TPRG1: variants seen among roughly 807,000 people sequenced by gnomAD.
TPRG1 encodes the protein tumor protein p63 regulated 1.
A neutral mutation model predicts 29.3 loss-of-function variants in TPRG1; 29 were observed. The ratio of observed to expected loss-of-function variants is 0.99; its 90% CI spans 0.74 to 1.35. The LOEUF (loss-of-function observed/expected upper bound fraction) is 1.35. TPRG1 is among the 40% of genes most tolerant of loss of function. The pLI, the probability that TPRG1 is intolerant of heterozygous loss-of-function variation, is 0.00. For synonymous variants in TPRG1, 130 were observed against 116.8 expected (o/e 1.11, Z -0.73); for missense variants, 327 against 335.0 (o/e 0.98, Z 0.19).
intron 1 of TPRG1, among the ~76,000 whole-genome samples, chr3:189,197,115 C>A (rs572212416): frequency 6.6e-6 from 1 of 152,294 alleles, no homozygotes; most frequent in South Asian, 2.1e-4. Context: ...ATAACTGGGA[C>A]AGAGGCTTGC....
chr3:189,253,038 A>C (rs1742532033), intron 4 of TPRG1, among the ~76,000 whole-genome samples: 1 of 151,722 alleles, frequency 6.6e-6, no homozygotes, highest in African/African-American at 2.4e-5. Context: ...CTCAACCTAT[A>C]TTTTCTTTTC....
chr3:189,141,262 G>T (rs1319735244), intron 3 of TPRG1, among the ~76,000 whole-genome samples: 2 of 152,120 alleles, frequency 1.3e-5, no homozygotes, highest in African/African-American at 4.8e-5. Flanking sequence ...ACACACAGAC[G>T]GTGCACTGTA....
At chr3:189,072,996 AGAT>A (rs1425820767) in intron 4 of TPRG1, among the ~76,000 whole-genome samples, 1 of 152,150 alleles carries the variant, frequency 6.6e-6, no homozygotes, top group African/African-American at 2.4e-5. Context: ...TGGCACAACA[AGAT>A]GATGATCTTA....
intron 3 of TPRG1, among the ~76,000 whole-genome samples, chr3:189,005,221 G>A (rs1252984685): frequency 1.3e-5 from 2 of 152,112 alleles, no homozygotes; most frequent in Admixed American, 6.6e-5. Flanking sequence ...TTCTTACTCG[G>A]CAGATCATAA....
At chr3:189,144,501 G>A (rs1560484710) in intron 3 of TPRG1, among the ~76,000 whole-genome samples, 1 of 152,276 alleles carries the variant, frequency 6.6e-6, no homozygotes, top group East Asian at 1.9e-4. Flanking sequence ...ATATAACTGG[G>A]GGTGTAGGTG....
chr3:189,317,723 C>T (rs1723766976), intron 5 of TPRG1, among the ~76,000 whole-genome samples: 1 of 152,058 alleles, frequency 6.6e-6, no homozygotes, highest in Non-Finnish European at 1.5e-5. Context: ...TGACAATGTC[C>T]CAGTGTCCCA....
At chr3:189,185,325 G>A (rs1027159164) in intron 1 of TPRG1, among the ~76,000 whole-genome samples, 6 of 152,038 alleles carry the variant, frequency 3.9e-5, no homozygotes, top group Admixed American at 1.3e-4. Flanking sequence ...CCAGGCTCAA[G>A]CGATCCTCCC....
rs982367781 is a variant in TPRG1, at chr3:189,324,996, A to G, written c.*4176A>G. On this transcript the variant is annotated 3_prime_UTR_variant, in exon 6 of 6. Transcript: ENST00000345063. ...TCACCTTTGGTCTGCACCTCCCACA[A>G]CGTGCTCCGAAAGCAGTTAGGGGAC... is the stretch of plus-strand genomic sequence containing the variant. 2 of 152,088 alleles carry G rather than the reference A, an allele frequency of 1.3e-5. No individual in the cohort carries two copies. Among genetic ancestry groups the G allele is most frequent in the Non-Finnish European group, 2.9e-5 (2 of 68,028 alleles). The allele number at this position is 152,088 out of a possible 1,614,324, so 9.4% of individuals were successfully genotyped here.
chr3:189,031,305 AAAATT>A (rs1713923161), intron 4 of TPRG1, among the ~76,000 whole-genome samples: 1 of 151,870 alleles, frequency 6.6e-6, no homozygotes, highest in African/African-American at 2.4e-5. Context: ...AAAAAAAAGA[AAAATT>A]AAAAGGGACA....
intron 4 of TPRG1, among the ~76,000 whole-genome samples, chr3:189,274,990 T>C (rs1232038629): frequency 6.7e-6 from 1 of 150,052 alleles, no homozygotes; most frequent in African/African-American, 2.5e-5. Flanking sequence ...ATGAAGTCAT[T>C]ATTGACTAAC....
At chr3:189,192,782 A>G (rs902354731) in intron 1 of TPRG1, among the ~76,000 whole-genome samples, 1 of 151,904 alleles carries the variant, frequency 6.6e-6, no homozygotes, top group Non-Finnish European at 1.5e-5. Context: ...GTGAATTTCA[A>G]ACTTTTGATG....
intron 1 of TPRG1, among the ~76,000 whole-genome samples, chr3:189,190,229 T>C (rs532115887): frequency 6.6e-6 from 1 of 152,302 alleles, no homozygotes; most frequent in Non-Finnish European, 1.5e-5. Flanking sequence ...ATAGGACATA[T>C]TATATAAGCC....
chr3:189,171,532 C>T (rs1728811153), upstream of TPRG1, among the ~76,000 whole-genome samples: 1 of 152,224 alleles, frequency 6.6e-6, no homozygotes, highest in African/African-American at 2.4e-5. Flanking sequence ...AATAGGAATA[C>T]TGACCAGAGA....
intron 1 of TPRG1, among the ~76,000 whole-genome samples, chr3:189,197,028 C>T (rs1365142272): frequency 6.6e-6 from 1 of 152,140 alleles, no homozygotes; most frequent in African/African-American, 2.4e-5. Context: ...CTCACTGCTG[C>T]CTGGCACCAG....
At chr3:189,186,989 T>TG (rs1273512919) in intron 1 of TPRG1, among the ~76,000 whole-genome samples, 1 of 128,620 alleles carries the variant, frequency 7.8e-6, no homozygotes. Flanking sequence ...TAAAGTGTTT[T>TG]TTTTTTTTTT....
intron 3 of TPRG1, among the ~76,000 whole-genome samples, chr3:189,137,028 A>AT (rs1723834736): frequency 6.6e-6 from 1 of 152,018 alleles, no homozygotes; most frequent in Non-Finnish European, 1.5e-5. Flanking sequence ...CAGAGTTCAT[A>AT]TTTTTCTTAT....
upstream of TPRG1, among the ~76,000 whole-genome samples, chr3:189,099,509 G>A (rs1718930256): frequency 6.6e-6 from 1 of 152,060 alleles, no homozygotes; most frequent in Non-Finnish European, 1.5e-5. Flanking sequence ...GCTTCCTCCT[G>A]GAGGTGGAAG....
In TPRG1 at chr3:189,274,812, G is replaced by A. The variant is rs1431341742; in HGVS notation, c.480-35574G>A. Among the ~76,000 whole-genome samples the A allele has an allele frequency of 3.3e-5, 5 of 151,992 alleles. No homozygotes were observed. In the East Asian group the frequency reaches 5.8e-4, roughly 18 times the overall value. ...CAATTAATTTTGATAACATTTAAAA[G>A]CATATGAACAGTTAATTCCCACCTT... On this transcript the variant is annotated intron_variant, in intron 4 of 5. Coordinates refer to ENST00000345063, the MANE Select transcript of TPRG1 (RefSeq NM_198485.4).
chr3:189,223,509 G>C (rs544840006), intron 3 of TPRG1, among the ~76,000 whole-genome samples: 1 of 152,312 alleles, frequency 6.6e-6, no homozygotes, highest in African/African-American at 2.4e-5. Flanking sequence ...TACCCTGATA[G>C]CTAATGGTCT....
Sources: allele counts gnomAD v4.1 joint callset (sites outside exome capture counted in the v4.1 genomes callset), GRCh38; gene constraint gnomAD v4.1.1; transcripts MANE v1.5; gene names NCBI Gene and HGNC (gene_info 2026-07-23, HGNC 2026-07-21).